Variants in ANXA11 observed in about 807,000 individuals in gnomAD.
The protein encoded by ANXA11 is annexin A11.
Under a neutral mutation model 64.7 loss-of-function variants are expected in ANXA11, and 57 were observed. The ratio of observed to expected loss-of-function variants is 0.88; its 90% CI spans 0.71 to 1.10. The LOEUF is 1.10. Among genes scored for constraint, ANXA11 ranks in the 50% least tolerant of loss-of-function variants. The pLI is 0.00. For synonymous variants in ANXA11, 260 were observed against 265.2 expected, an observed-to-expected ratio of 0.98 and a Z score of 0.19; for missense variants, 675 against 670.7, an observed-to-expected ratio of 1.01 and a Z score of -0.07.
rs773152656 is a variant in ANXA11 at position 80,187,545 on chromosome 10, G to GCACA, written c.-57-11394_-57-11391dup. ...AGGATGCACGCGCATGTGCGCGCGT[G>GCACA]CACACACACACACACACACACACAC... On this transcript the variant is annotated intron_variant, in intron 1 of 15. Coordinates refer to ENST00000422982, the MANE Select transcript of ANXA11 (RefSeq NM_145868.2). 5.2e-3 allele frequency among the ~76,000 whole-genome samples: 781 copies of GCACA among 150,616 alleles called. 3 individuals carry two copies. The highest frequency in any genetic ancestry group is 5.9e-3 in the Non-Finnish European group (399 of 67,438).
chr10:80,188,822 G>A (rs1846652563), intron 1 of ANXA11, among the ~76,000 whole-genome samples: 1 of 152,124 alleles, frequency 6.6e-6, no homozygotes, highest in Non-Finnish European at 1.5e-5. Context: ...ATTTCGAGAG[G>A]GAGAAAAGGG....
intron 1 of ANXA11, among the ~76,000 whole-genome samples, chr10:80,177,381 A>G (rs1218554732): frequency 6.6e-6 from 1 of 151,538 alleles, no homozygotes; most frequent in Non-Finnish European, 1.5e-5. Flanking sequence ...GCTACTCCCT[A>G]CCTCCCCGGA....
At chr10:80,165,285 CAGGCTCCTTCT>C (rs1337684972) in intron 8 of ANXA11, among the ~76,000 whole-genome samples, 2 of 152,238 alleles carry the variant, frequency 1.3e-5, no homozygotes, top group Non-Finnish European at 2.9e-5. Flanking sequence ...CTCTGAGTGA[CAGGCTCCTTCT>C]GGGCTCCAGC....
rs150412071 is a variant in ANXA11 at position 80,163,552 on chromosome 10, G to T, written c.1011C>A (p.Leu337=). ...RSDTSGHFQR[L]LISLSQGNRD... The stretch of plus-strand genomic sequence containing the variant: ...AAAGTACCTGAGAGAGAGAGATGAG[G>T]AGCCGCTGGAAGTGCCCTGATGTGT... Residue 337 remains leucine, a synonymous_variant, in exon 10 of 16, where the codon CTC becomes CTA. Transcript: ENST00000422982. 613 of 1,576,344 alleles carry T rather than the reference G, an allele frequency of 3.9e-4. No individual in the cohort carries two copies. The highest frequency in any genetic ancestry group is 5.0e-4 in the Non-Finnish European group (585 of 1,160,340).
rs140592128 is a variant in ANXA11 at position 80,187,707 on chromosome 10, C to T, written c.-57-11552G>A. ...CGCAAGGGGAAGCCACCGCCAGTTA[C>T]ACCACCTGAGCAGAGGGAGCTTCTG... On this transcript the variant is annotated intron_variant, in intron 1 of 15. Coordinates refer to ENST00000422982, the MANE Select transcript of ANXA11 (RefSeq NM_145868.2). 1.5e-3 allele frequency among the ~76,000 whole-genome samples: 230 copies of T among 152,346 alleles called. 1 individual carries two copies. Among genetic ancestry groups the T allele is most frequent in the Middle Eastern group, 6.8e-3 (2 of 292 alleles).
At chr10:80,167,010 G>T in intron 6 of ANXA11, 26 bp from the exon 7 acceptor site, 2 of 1,520,592 alleles carry the variant, frequency 1.3e-6, no homozygotes, top group Non-Finnish European at 9.0e-7. Context: ...GCAGGGGTGG[G>T]TCGGGTAGGG....
rs1240528011 is a variant in ANXA11, at chr10:80,158,032, G to A, written c.1277-7C>T. On this transcript the variant is annotated splice_polypyrimidine_tract_variant and splice_region_variant and intron_variant, in intron 13 of 15. Coordinates refer to ENST00000422982, the MANE Select transcript of ANXA11 (RefSeq NM_145868.2). ...GTATTCTTGAGACATTTCACTAGAA[G>A]AGAGAAACTCGGCATAACCAGATCT... 1 of 1,613,788 alleles carries A rather than the reference G, an allele frequency of 6.2e-7. No individual in the cohort carries two copies. The highest frequency in any genetic ancestry group is 8.5e-7 in the Non-Finnish European group (1 of 1,179,808).
intron 1 of ANXA11, among the ~76,000 whole-genome samples, chr10:80,198,986 G>C (rs556784552): frequency 1.3e-5 from 2 of 152,144 alleles, no homozygotes; most frequent in African/African-American, 4.8e-5. Flanking sequence ...CATGCAATTA[G>C]GTTTGTTGCT....
chr10:80,175,700 T>TA (rs1376331013), intron 2 of ANXA11, among the ~76,000 whole-genome samples: 5 of 152,120 alleles, frequency 3.3e-5, no homozygotes, highest in Non-Finnish European at 7.4e-5. Context: ...ATCTGGCAGT[T>TA]ACAGAAAAGG....
intron 12 of ANXA11, 59 bp from the exon 13 acceptor site, chr10:80,159,254 T>C (rs1845411730): frequency 6.4e-6 from 9 of 1,402,172 alleles, no homozygotes; most frequent in South Asian, 5.8e-5. Flanking sequence ...AAAGTTCATA[T>C]GTGGAAGTCC....
rs1845344301 is a variant in ANXA11 at position 80,157,981 on chromosome 10, T to C, written c.1321A>G (p.Asn441Asp). The C allele has an allele frequency of 1.2e-6, 2 of 1,614,132 alleles. No individual in the cohort carries two copies. The highest frequency in any genetic ancestry group is 1.7e-6 in the Non-Finnish European group (2 of 1,179,996). Residue 441 changes from asparagine to aspartate, a missense_variant, in exon 14 of 16, where the codon AAC (asparagine) becomes GAC (aspartate). Transcript: ENST00000422982. ...AAGTTACATACCCTCATGGCCTTGT[T>C]GAGCCTCTCCGCAAAGAAGGCTGGG... is the stretch of plus-strand genomic sequence containing the variant. ...NTPAFFAERL[N>D]KAMRGAGTKD...
intron 1 of ANXA11, among the ~76,000 whole-genome samples, chr10:80,188,107 G>C (rs1037978930): frequency 6.6e-6 from 1 of 151,832 alleles, no homozygotes; most frequent in Non-Finnish European, 1.5e-5. Flanking sequence ...TAGATTCTTG[G>C]CAGGCTTCTA....
intron 2 of ANXA11, 85 bp from the exon 3 acceptor site, chr10:80,172,954 A>G: frequency 8.5e-7 from 1 of 1,172,582 alleles, no homozygotes; most frequent in Non-Finnish European, 1.3e-6. Flanking sequence ...AAGGGCAGCC[A>G]CCACCACAAC....
At chr10:80,174,557 A>G (rs1846097944) in intron 2 of ANXA11, among the ~76,000 whole-genome samples, 1 of 149,030 alleles carries the variant, frequency 6.7e-6, no homozygotes, top group Non-Finnish European at 1.5e-5. Context: ...GATTACAGGC[A>G]TGAGCCACCA....
At chr10:80,194,199 G>C (rs1846892350) in intron 1 of ANXA11, among the ~76,000 whole-genome samples, 1 of 152,160 alleles carries the variant, frequency 6.6e-6, no homozygotes. Context: ...ACCCTCTTCA[G>C]GACAAAGAAT....
intron 1 of ANXA11, among the ~76,000 whole-genome samples, chr10:80,195,448 A>T (rs944322089): frequency 5.3e-5 from 8 of 152,158 alleles, no homozygotes; most frequent in Non-Finnish European, 7.4e-5. Context: ...AGTCACTCAC[A>T]CTGGGCCACT....
Position 80,153,055 on chromosome 10 carries a change from T to C in ANXA11, c.*2798A>G, listed in dbSNP as rs1845184215. The stretch of plus-strand genomic sequence containing the variant: ...GTATACGCCTGTGACCTAAACTCGC[T>C]GAGTCACTCTGGCCTGGATATCCAC... On this transcript the variant is annotated 3_prime_UTR_variant, in exon 16 of 16. Coordinates refer to ENST00000422982, the MANE Select transcript of ANXA11 (RefSeq NM_145868.2). The C allele has an allele frequency of 1.3e-5, 2 of 152,250 alleles. No homozygotes were observed. The highest frequency in any genetic ancestry group is 2.4e-5 in the African/African-American group (1 of 41,456). The allele number at this position is 152,250 out of a possible 1,614,324, so 9.4% of individuals were successfully genotyped here. A position where few individuals can be genotyped will look rare whatever the true frequency, so the allele number is the denominator to read the frequency against.
At position 80,169,144 on chromosome 10, in the gene ANXA11, G is replaced by A. The variant is rs1276365693; in HGVS notation, c.386C>T (p.Pro129Leu). Residue 129 changes from proline (P) to leucine (L), a missense_variant, in exon 5 of 16, where the codon CCG (proline) becomes CTG (leucine). By Grantham distance (98) the Pro-to-Leu change is moderately conservative. Coordinates refer to ENST00000422982, the MANE Select transcript of ANXA11 (RefSeq NM_145868.2). ...TCCGGGGGGTGGCATGGGCTGGCCC[G>A]GCACAGGGGCCCCTGGGTATGGCGG... ...SYPPYPGAPV[P>L]GQPMPPPGQQ... is the part of the protein sequence containing the mutation. 7 of 1,555,892 alleles carry A rather than the reference G, an allele frequency of 4.5e-6. No individual in the cohort carries two copies. The highest frequency in any genetic ancestry group is 2.2e-5 in the East Asian group (1 of 44,448).
Position 80,162,016 on chromosome 10 carries a change from C to A in ANXA11, c.1099G>T (p.Ala367Ser). Residue 367 changes from alanine to serine, a missense_variant, in exon 12 of 16, where the codon GCC becomes TCC. Transcript: ENST00000422982. ...AQRDAQELYA[A>S]GENRLGTDES... ...TCTGTTCCCAGGCGGTTCTCCCCGG[C>A]CGCATACAGCTCCTGGAGAGAGAGG... is the stretch of plus-strand genomic sequence containing the variant. The A allele has an allele frequency of 6.2e-7, 1 of 1,611,100 alleles. No individual in the cohort carries two copies.
Sources: allele counts gnomAD v4.1 joint callset (sites outside exome capture counted in the v4.1 genomes callset), GRCh38; gene constraint gnomAD v4.1.1; transcripts MANE v1.5; gene names NCBI Gene and HGNC (gene_info 2026-07-23, HGNC 2026-07-21).